Variants in SIRPG observed in about 807,000 individuals in gnomAD.
SIRPG encodes signal-regulatory protein gamma.
In SIRPG, 38 loss-of-function variants were observed where a neutral mutation model predicts 35.7. The observed-to-expected ratio is 1.06, with a 90% CI of 0.82 to 1.40. The LOEUF is 1.40. Among genes scored for constraint, SIRPG ranks in the 40% most tolerant of loss-of-function variants. SIRPG has a pLI of 0.00. For missense variants in SIRPG, 519 were observed against 483.0 expected (o/e 1.07, Z -0.70); for synonymous variants, 215 against 190.4 (o/e 1.13, Z -1.06).
chr20:1,685,556 A>G, the SIRPG span, among the ~76,000 whole-genome samples: 2 of 152,178 alleles, frequency 1.3e-5, no homozygotes, highest in Admixed American at 6.5e-5. Flanking sequence ...TTCAGCCTCC[A>G]AAAGTGCAAG....
chr20:1,650,274 G>T (rs2091932690), intron 1 of SIRPG, among the ~76,000 whole-genome samples: 1 of 151,762 alleles, frequency 6.6e-6, no homozygotes, highest in Admixed American at 6.6e-5. Context: ...TATGTTGGGT[G>T]CACTCTGACA....
upstream of SIRPG, among the ~76,000 whole-genome samples, chr20:1,662,430 A>G (rs1378834624): frequency 6.6e-6 from 1 of 152,242 alleles, no homozygotes; most frequent in African/African-American, 2.4e-5. Flanking sequence ...AAGGAAAAGC[A>G]ATCACTTAAA....
chr20:1,643,669 G>T (rs1407021852), intron 2 of SIRPG, among the ~76,000 whole-genome samples: 1 of 152,196 alleles, frequency 6.6e-6, no homozygotes, highest in East Asian at 1.9e-4. Context: ...CTTTTGGGTT[G>T]TCAGTGTTTT....
intron 2 of SIRPG, among the ~76,000 whole-genome samples, chr20:1,644,331 G>A (rs996368738): frequency 1.3e-5 from 2 of 152,194 alleles, no homozygotes; most frequent in East Asian, 3.9e-4. Flanking sequence ...TCCTGAAGAG[G>A]CACTCTGGCC....
intron 1 of SIRPG, among the ~76,000 whole-genome samples, chr20:1,656,370 G>A (rs972202907): frequency 2.6e-5 from 4 of 152,198 alleles, no homozygotes; most frequent in Admixed American, 1.3e-4. Flanking sequence ...GGGATGCTGT[G>A]AGGATTAGTT....
At chr20:1,670,941 G>A in the SIRPG span, 9 of 341,844 alleles carry the variant, frequency 2.6e-5, no homozygotes, top group South Asian at 2.6e-4. Context: ...AAGTGATGTG[G>A]GCCACCTCGC....
the SIRPG span, among the ~76,000 whole-genome samples, chr20:1,678,146 G>T: frequency 6.6e-6 from 1 of 151,890 alleles, no homozygotes; most frequent in Non-Finnish European, 1.5e-5. Context: ...TCATAGTTAC[G>T]TCTTCCCATC....
intron 1 of SIRPG, among the ~76,000 whole-genome samples, chr20:1,650,353 C>A (rs2091933335): frequency 6.6e-6 from 1 of 151,956 alleles, no homozygotes; most frequent in Non-Finnish European, 1.5e-5. Flanking sequence ...GGACAAAGTA[C>A]TAAAACAGCA....
intron 4 of SIRPG, among the ~76,000 whole-genome samples, chr20:1,634,243 G>A (rs1233921717): frequency 4.3e-5 from 6 of 140,800 alleles, no homozygotes; most frequent in Non-Finnish European, 9.1e-5. Context: ...GTCTCGCTCT[G>A]TCGCCCAGGC....
rs183513542 is a variant in SIRPG at position 1,632,195 on chromosome 20, G to A, written c.1082-1889C>T. Reference sequence around the variant, plus strand: ...TTAAGAGTTGCTGGGTACAATTGCAGCAGCATAGCTACTTATCTGTATAAA... The same window carrying A: ...TTAAGAGTTGCTGGGTACAATTGCAACAGCATAGCTACTTATCTGTATAAA... On this transcript the variant is annotated intron_variant, in intron 4 of 5. Transcript: ENST00000303415. Among the ~76,000 whole-genome samples the A allele has an allele frequency of 8.0e-4, 122 of 152,272 alleles. 2 individuals are homozygous for A. The highest frequency in any genetic ancestry group is 4.9e-3 in the Admixed American group (75 of 15,308).
In SIRPG at chr20:1,657,755, C is replaced by A. The variant is rs531524222; in HGVS notation, c.-41G>T. ...AGCCTGCTCTGTTCAAACGTCTGTT[C>A]TGGGGAGATGTCAGGCCCTGCTCTG... is the stretch of plus-strand genomic sequence containing the variant. On this transcript the variant is annotated 5_prime_UTR_variant, in exon 1 of 6. Coordinates refer to ENST00000303415, the MANE Select transcript of SIRPG (RefSeq NM_018556.4). 1 of 1,584,894 alleles carries A rather than the reference C, an allele frequency of 6.3e-7. No homozygotes were observed. The highest frequency in any genetic ancestry group is 2.2e-5 in the East Asian group (1 of 44,704).
intron 4 of SIRPG, 21 bp downstream of exon 4, chr20:1,635,246 A>G: frequency 6.4e-7 from 1 of 1,554,346 alleles, no homozygotes; most frequent in Non-Finnish European, 8.7e-7. Flanking sequence ...GACAAAATTT[A>G]AAAATTTTGA....
intron 1 of SIRPG, among the ~76,000 whole-genome samples, chr20:1,654,784 A>G (rs2091964850): frequency 1.3e-5 from 2 of 152,246 alleles, no homozygotes; most frequent in African/African-American, 2.4e-5. Context: ...CAAACCATAC[A>G]TCTGATAAGG....
chr20:1,647,592 C>T (rs1198921039), intron 2 of SIRPG: 2 of 152,208 alleles, frequency 1.3e-5, no homozygotes, highest in East Asian at 1.9e-4. Context: ...GATACATGTA[C>T]AAGGCCATCC....
chr20:1,637,459 C>T (rs1447428641), intron 2 of SIRPG: 1 of 166,384 alleles, frequency 6.0e-6, no homozygotes, highest in African/African-American at 2.4e-5. Flanking sequence ...TTTTCAAAAA[C>T]AACATTTTGT....
chr20:1,653,082 G>C (rs2091952155), intron 1 of SIRPG, among the ~76,000 whole-genome samples: 1 of 152,190 alleles, frequency 6.6e-6, no homozygotes, highest in African/African-American at 2.4e-5. Context: ...AAGTAGAAGA[G>C]CCCAGAGAAG....
intron 3 of SIRPG, 136 bp from the exon 4 acceptor site, chr20:1,635,735 T>C: frequency 1.1e-6 from 1 of 909,304 alleles, no homozygotes; most frequent in East Asian, 2.6e-5. Flanking sequence ...GCTAAGACAT[T>C]GAGGGCGCTC....
At chr20:1,644,906 T>C (rs2091885905) in intron 2 of SIRPG, among the ~76,000 whole-genome samples, 1 of 152,172 alleles carries the variant, frequency 6.6e-6, no homozygotes, top group African/African-American at 2.4e-5. Context: ...ACCTGGATAC[T>C]TCAGTTGGTG....
At chr20:1,635,236 G>C in intron 4 of SIRPG, 31 bp downstream of exon 4, 2 of 1,537,838 alleles carry the variant, frequency 1.3e-6, no homozygotes, top group Non-Finnish European at 1.8e-6. Context: ...GAGAGAAAAA[G>C]ACAAAATTTA....
Sources: gnomAD v4.1 joint callset for allele counts (sites outside exome capture counted in the v4.1 genomes callset) on GRCh38, gnomAD v4.1.1 for gene constraint, MANE v1.5 for transcripts, NCBI Gene and HGNC (gene_info 2026-07-23, HGNC 2026-07-21) for gene names.